The following MAP10 variants were observed in gnomAD, a reference collection of about 807,000 sequenced individuals.
The protein encoded by MAP10 is microtubule-associated protein 10.
Under a neutral mutation model 6.3 loss-of-function variants are expected in MAP10, and 10 were observed. The observed-to-expected ratio is 1.58, with a 90% CI of 0.98 to 2.69. The LOEUF (loss-of-function observed/expected upper bound fraction) is 2.69. Among genes scored for constraint, MAP10 ranks in the 30% most tolerant of loss-of-function variants. MAP10 has a pLI of 0.00. For missense variants in MAP10, 1,189 were observed against 1,086.5 expected (o/e 1.09, Z -1.33); for synonymous variants, 459 against 429.3 (o/e 1.07, Z -0.86).
At position 232,805,898 on chromosome 1, in the gene MAP10, C is replaced by A; in HGVS notation, c.449C>A (p.Ala150Asp). 6.2e-7 allele frequency: 1 copy of A among 1,603,762 alleles called. No homozygotes were observed. The highest frequency in any genetic ancestry group is 1.1e-5 in the South Asian group (1 of 89,900). Residue 150 changes from alanine to aspartate, a missense_variant, in exon 1 of 1, where the codon GCC (alanine) becomes GAC (aspartate). Physicochemically the swap from Ala to Asp is moderately radical, Grantham distance 126. Coordinates refer to ENST00000418460, the MANE Select transcript of MAP10 (RefSeq NM_019090.3). ...GCAGCGCACAGGGTCGTGGGGCCGG[C>A]CGCCTCCGGATGCTCCCACCGTCAC... ...ATAAHRVVGP[A>D]ASGCSHRHRG...
Position 232,806,051 on chromosome 1 carries a change from CAGGAGGAGG to C in MAP10, c.605_613del (p.Gly202_Gly204del). 4 of 1,613,990 alleles carry C rather than the reference CAGGAGGAGG, an allele frequency of 2.5e-6. No individual in the cohort carries two copies. Among genetic ancestry groups the C allele is most frequent in the Non-Finnish European group, 3.4e-6 (4 of 1,179,874 alleles). On this transcript the variant is annotated inframe_deletion, in exon 1 of 1. Transcript: ENST00000418460. Reference sequence around the variant, plus strand: ...GAGCGGCCCCTCACCTTCACCCGCACAGGAGGAGGAGCGGAGGTCAGTCCCCAAACCCAG... The same window carrying C: ...GAGCGGCCCCTCACCTTCACCCGCACAGCGGAGGTCAGTCCCCAAACCCAG...
chr1:232,805,796 T>C lies in MAP10; in HGVS notation c.347T>C (p.Leu116Ser). 1 of 1,598,592 alleles carries C rather than the reference T, an allele frequency of 6.3e-7. No individual in the cohort carries two copies. Among genetic ancestry groups the C allele is most frequent in the Non-Finnish European group, 8.5e-7 (1 of 1,173,190 alleles). The change falls in exon 1 of 1, where the codon TTG becomes TCG. Residue 116 changes from leucine (L) to serine (S), a missense_variant. Transcript: ENST00000418460. ...CTCCTGCGGACCCCGCTTGCCACCT[T>C]GCTGCTGCAGCTGCCCCCTGGGCGC... ...CRLLRTPLAT[L>S]LLQLPPGRPT... is the part of the protein sequence containing the mutation.
In MAP10 at chr1:232,805,868, C is replaced by T. The variant is rs769269702; in HGVS notation, c.419C>T (p.Ala140Val). The change falls in exon 1 of 1, where the codon GCC becomes GTC. Residue 140 changes from alanine to valine, a missense_variant. Ala to Val is a moderately conservative substitution (Grantham distance 64, BLOSUM62 0). Coordinates refer to ENST00000418460, the MANE Select transcript of MAP10 (RefSeq NM_019090.3). ...QLLGACDISL[A>V]TAAHRVVGPA... ...CTGGGGGCCTGCGACATTTCGCTGGCCACCGCAGCGCACAGGGTCGTGGGG... is the reference window on the plus strand; with the variant it reads ...CTGGGGGCCTGCGACATTTCGCTGGTCACCGCAGCGCACAGGGTCGTGGGG... The T allele has an allele frequency of 1.3e-6, 2 of 1,591,620 alleles. No homozygotes were observed. The highest frequency in any genetic ancestry group is 1.7e-5 in the Admixed American group (1 of 57,488).
rs758558452 is a variant in MAP10 at position 232,806,441 on chromosome 1, A to G, written c.992A>G (p.Glu331Gly). ...ITIEPQMNAP[E>G]EMDDASPEKK... Reference sequence around the variant, plus strand: ...ATTGAGCCTCAAATGAATGCACCTGAGGAAATGGATGATGCTTCTCCTGAA... The same window carrying G: ...ATTGAGCCTCAAATGAATGCACCTGGGGAAATGGATGATGCTTCTCCTGAA... The change falls in exon 1 of 1, where the codon GAG becomes GGG. Residue 331 changes from glutamate to glycine, a missense_variant. Coordinates refer to ENST00000418460, the MANE Select transcript of MAP10 (RefSeq NM_019090.3). 6.2e-7 allele frequency: 1 copy of G among 1,613,928 alleles called. No homozygotes were observed. Among genetic ancestry groups the G allele is most frequent in the African/African-American group, 1.3e-5 (1 of 75,038 alleles).
chr1:232,806,381 A>G lies in MAP10; in HGVS notation c.932A>G (p.Gln311Arg). ...CCTTTGTATTACACTAACTTGACCC[A>G]AGAAAAACCGCCCCCTGCACAGGCT... ...PPPLYYTNLT[Q>R]EKPPPAQAKI... is the part of the protein sequence containing the mutation. The change falls in exon 1 of 1, where the codon CAA becomes CGA. Residue 311 changes from glutamine (Q) to arginine (R), a missense_variant. Physicochemically the swap from Gln to Arg is conservative, Grantham distance 43. Transcript: ENST00000418460. 1 of 1,613,914 alleles carries G rather than the reference A, an allele frequency of 6.2e-7. No homozygotes were observed. Among genetic ancestry groups the G allele is most frequent in the Non-Finnish European group, 8.5e-7 (1 of 1,179,876 alleles).
chr1:232,807,078 TAA>T, the MAP10 span: 2 of 1,612,540 alleles, frequency 1.2e-6, no homozygotes, highest in Admixed American at 3.3e-5. Flanking sequence ...CATCCAAAGT[TAA>T]ACTATTAAGC....
chr1:232,806,455 G>A lies in MAP10; in HGVS notation c.1006G>A (p.Ala336Thr). 6.2e-7 allele frequency: 1 copy of A among 1,613,864 alleles called. No individual in the cohort carries two copies. The highest frequency in any genetic ancestry group is 8.5e-7 in the Non-Finnish European group (1 of 1,179,884). The change falls in exon 1 of 1, where the codon GCT becomes ACT. Residue 336 changes from alanine to threonine, a missense_variant. Coordinates refer to ENST00000418460, the MANE Select transcript of MAP10 (RefSeq NM_019090.3). Reference protein sequence around the residue: ...QMNAPEEMDDASPEKKRVNPP... With the variant: ...QMNAPEEMDDTSPEKKRVNPP... ...GAATGCACCTGAGGAAATGGATGAT[G>A]CTTCTCCTGAAAAAAAGCGTGTAAA... is the stretch of plus-strand genomic sequence containing the variant.
In MAP10 at chr1:232,807,615, T is replaced by A. The variant is rs1160251418; in HGVS notation, c.2166T>A (p.Ser722Arg). 6.2e-7 allele frequency: 1 copy of A among 1,609,934 alleles called. No homozygotes were observed. Among genetic ancestry groups the A allele is most frequent in the Non-Finnish European group, 8.5e-7 (1 of 1,177,788 alleles). ...DFCTSEDTSR[S>R]FKAHDSSSRT... is the part of the protein sequence containing the mutation. ...GTACCAGTGAGGACACCAGCAGAAG[T>A]TTCAAAGCTCATGATAGCAGTTCAA... The change falls in exon 1 of 1, where the codon AGT (serine) becomes AGA (arginine). Residue 722 changes from serine (S) to arginine (R), a missense_variant. Physicochemically the swap from Ser to Arg is moderately radical, Grantham distance 110. Coordinates refer to ENST00000418460, the MANE Select transcript of MAP10 (RefSeq NM_019090.3).
chr1:232,806,157 G>A lies in MAP10; in HGVS notation c.708G>A (p.Glu236=). The change falls in exon 1 of 1, where the codon GAG becomes GAA. Residue 236 remains glutamate (E), a synonymous_variant. Transcript: ENST00000418460. ...SPKEADKPLG[E]LEIPEAQKDL... ...AAGAGGCTGATAAGCCGCTGGGGGA[G>A]TTAGAAATCCCAGAGGCACAGAAGG... The A allele has an allele frequency of 6.2e-7, 1 of 1,614,024 alleles. No homozygotes were observed. The highest frequency in any genetic ancestry group is 1.7e-5 in the Admixed American group (1 of 60,030).
Position 232,807,966 on chromosome 1 carries a change from T to G in MAP10, c.2517T>G (p.Ser839=). ...TTAAAACAAGAAGTAGTTGGAAATC[T>G]TTAGAAAAAAGCCAGTCACCACAAA... ...ISVKTRSSWK[S]LEKSQSPQTS... The change falls in exon 1 of 1, where the codon TCT becomes TCG. Residue 839 remains serine, a synonymous_variant. Coordinates refer to ENST00000418460, the MANE Select transcript of MAP10 (RefSeq NM_019090.3). 1 of 1,612,792 alleles carries G rather than the reference T, an allele frequency of 6.2e-7. No homozygotes were observed. The highest frequency in any genetic ancestry group is 8.5e-7 in the Non-Finnish European group (1 of 1,179,418).
At chr1:232,807,919 AAG>A in the MAP10 span, 7 of 1,613,082 alleles carry the variant, frequency 4.3e-6, no homozygotes, top group South Asian at 2.2e-5. Context: ...TGAAATTACA[AAG>A]AGAGCTCAAG....
rs1666109377 is a variant in MAP10, at chr1:232,806,695, CCTG to C, written c.1249_1251del (p.Ala417del). On this transcript the variant is annotated inframe_deletion, in exon 1 of 1. Transcript: ENST00000418460. ...GTTATATGACCAACCTGTGACAAGT[CCTG>C]CTCATATACATCCTCACCTAGCCTG... The C allele has an allele frequency of 6.2e-7, 1 of 1,613,852 alleles. No homozygotes were observed.
chr1:232,806,095 C>G lies in MAP10; in HGVS notation c.646C>G (p.Gln216Glu). 6.2e-7 allele frequency: 1 copy of G among 1,613,970 alleles called. No individual in the cohort carries two copies. Among genetic ancestry groups the G allele is most frequent in the Non-Finnish European group, 8.5e-7 (1 of 1,179,862 alleles). The stretch of plus-strand genomic sequence containing the variant: ...CAGTCCCCAAACCCAGCAGGAAAGA[C>G]AGCAGCTGCAGCAGCCAGCCTCACA... ...EVSPQTQQER[Q>E]QLQQPASQPS... The change falls in exon 1 of 1, where the codon CAG becomes GAG. Residue 216 changes from glutamine (Q) to glutamate (E), a missense_variant. Transcript: ENST00000418460.
chr1:232,807,992 C>T lies in MAP10; in HGVS notation c.2543C>T (p.Thr848Ile), dbSNP rs1479117028. ...TTAGAAAAAAGCCAGTCACCACAAA[C>T]ATCCCAGGTGAGTTCTTACCTGCCT... ...KSLEKSQSPQTSQVSSYLPSN... is the reference protein window; with the variant it reads ...KSLEKSQSPQISQVSSYLPSN... Residue 848 changes from threonine (T) to isoleucine (I), a missense_variant, in exon 1 of 1, where the codon ACA becomes ATA. Transcript: ENST00000418460. The T allele has an allele frequency of 6.2e-7, 1 of 1,613,452 alleles. No individual in the cohort carries two copies. The highest frequency in any genetic ancestry group is 1.7e-5 in the Admixed American group (1 of 59,984).
chr1:232,807,416 T>A lies in MAP10; in HGVS notation c.1967T>A (p.Val656Asp), dbSNP rs772855436. The A allele has an allele frequency of 6.2e-7, 1 of 1,613,812 alleles. No homozygotes were observed. The highest frequency in any genetic ancestry group is 8.5e-7 in the Non-Finnish European group (1 of 1,179,834). The change falls in exon 1 of 1, where the codon GTT becomes GAT. Residue 656 changes from valine (V) to aspartate (D), a missense_variant. Val to Asp is a radical substitution (Grantham distance 152). Transcript: ENST00000418460. The part of the protein sequence containing the change: ...SPCVFQQDAV[V>D]DRIVDKEIDI... Reference sequence around the variant, plus strand: ...TGTGTTTTCCAACAGGATGCTGTTGTTGACAGAATTGTAGATAAGGAAATA... The same window carrying A: ...TGTGTTTTCCAACAGGATGCTGTTGATGACAGAATTGTAGATAAGGAAATA...
Position 232,805,898 on chromosome 1 carries a change from C to T in MAP10, c.449C>T (p.Ala150Val), listed in dbSNP as rs1666091909. Residue 150 changes from alanine to valine, a missense_variant, in exon 1 of 1, where the codon GCC becomes GTC. Transcript: ENST00000418460. Reference sequence around the variant, plus strand: ...GCAGCGCACAGGGTCGTGGGGCCGGCCGCCTCCGGATGCTCCCACCGTCAC... The same window carrying T: ...GCAGCGCACAGGGTCGTGGGGCCGGTCGCCTCCGGATGCTCCCACCGTCAC... ...ATAAHRVVGP[A>V]ASGCSHRHRG... 2 of 1,603,642 alleles carry T rather than the reference C, an allele frequency of 1.2e-6. No individual in the cohort carries two copies. The highest frequency in any genetic ancestry group is 1.7e-5 in the Admixed American group (1 of 58,612).
chr1:232,805,699 C>T lies in MAP10; in HGVS notation c.250C>T (p.Pro84Ser), dbSNP rs1258991033. Reference sequence around the variant, plus strand: ...CGGCGCTCCCGCCGCCGAACCGTGGCCCGGTGTCATCCGCTTCGGTCGCGG... The same window carrying T: ...CGGCGCTCCCGCCGCCGAACCGTGGTCCGGTGTCATCCGCTTCGGTCGCGG... ...GPGAPAAEPWPGVIRFGRGKS... is the reference protein window; with the variant it reads ...GPGAPAAEPWSGVIRFGRGKS... Residue 84 changes from proline to serine, a missense_variant, in exon 1 of 1, where the codon CCC becomes TCC. Physicochemically the swap from Pro to Ser is moderately conservative, Grantham distance 74. Coordinates refer to ENST00000418460, the MANE Select transcript of MAP10 (RefSeq NM_019090.3). 3.1e-6 allele frequency: 5 copies of T among 1,604,134 alleles called. No homozygotes were observed. Among genetic ancestry groups the T allele is most frequent in the Non-Finnish European group, 4.2e-6 (5 of 1,179,126 alleles).
Position 232,808,502 on chromosome 1 carries a change from C to T in MAP10, c.*335C>T, listed in dbSNP as rs1666145803. On this transcript the variant is annotated 3_prime_UTR_variant, in exon 1 of 1. Coordinates refer to ENST00000418460, the MANE Select transcript of MAP10 (RefSeq NM_019090.3). ...AAAGAAGGCTAGTTAGTAAGGACAGCCTCAAATTTTAATTGGAACAAATTA... is the reference window on the plus strand; with the variant it reads ...AAAGAAGGCTAGTTAGTAAGGACAGTCTCAAATTTTAATTGGAACAAATTA... 5.4e-6 allele frequency: 1 copy of T among 184,454 alleles called. No individual in the cohort carries two copies. The highest frequency in any genetic ancestry group is 1.2e-5 in the Non-Finnish European group (1 of 80,286). 11.4% of individuals were successfully genotyped at this position (184,454 alleles called of 1,614,324 possible).
rs1666155909 is a variant in MAP10, at chr1:232,809,076, T to TA, written c.*910dup. ...AAGGGAAACTTAAGAAGGTATCTTT[T>TA]ATACAGTTTCTGATATAGGAGTTCA... On this transcript the variant is annotated 3_prime_UTR_variant, in exon 1 of 1. Transcript: ENST00000418460. Among the ~76,000 whole-genome samples the TA allele has an allele frequency of 6.6e-6, 1 of 152,150 alleles. No homozygotes were observed. Among genetic ancestry groups the TA allele is most frequent in the South Asian group, 2.1e-4 (1 of 4,834 alleles).
Sources: allele counts gnomAD v4.1 joint callset (sites outside exome capture counted in the v4.1 genomes callset), GRCh38; gene constraint gnomAD v4.1.1; transcripts MANE v1.5; gene names NCBI Gene and HGNC (gene_info 2026-07-23, HGNC 2026-07-21).